Variants in GRID2 observed in about 807,000 individuals in gnomAD.
GRID2 encodes glutamate receptor ionotropic, delta-2.
GRID2 carries 33 observed loss-of-function variants against 114.8 expected under a neutral mutation model. The ratio of observed to expected loss-of-function variants is 0.29; its 90% confidence interval spans 0.22 to 0.38. The LOEUF (loss-of-function observed/expected upper bound fraction) is 0.38. GRID2 is among the 10% of genes least tolerant of loss of function. The probability of loss-of-function intolerance (pLI) is 1.00; values close to 1 mark genes in which losing one functional copy is unlikely to be tolerated. For missense variants in GRID2, 1,184 were observed against 1,257.7 expected (o/e 0.94, Z 0.89); for synonymous variants, 505 against 449.9 (o/e 1.12, Z -1.55).
chr4:92,999,485 T>C (rs1755409037), intron 2 of GRID2, among the ~76,000 whole-genome samples: 2 of 151,740 alleles, frequency 1.3e-5, no homozygotes, highest in Admixed American at 6.6e-5. Context: ...CTATAGACTA[T>C]CAAGGTTAGT....
At chr4:92,984,097 A>G (rs1423342153) in intron 2 of GRID2, among the ~76,000 whole-genome samples, 1 of 152,234 alleles carries the variant, frequency 6.6e-6, no homozygotes, top group Non-Finnish European at 1.5e-5. Flanking sequence ...AAGTACAGCT[A>G]TAAATATTTT....
intron 2 of GRID2, among the ~76,000 whole-genome samples, chr4:92,787,391 A>AATCCCATAACATT (rs1739367805): frequency 6.6e-6 from 1 of 151,888 alleles, no homozygotes; most frequent in Non-Finnish European, 1.5e-5. Context: ...GGAATTTTAA[A>AATCCCATAACATT]TGAGGAGGCT....
At chr4:93,441,466 TATATA>T (rs1226735558) in intron 10 of GRID2, among the ~76,000 whole-genome samples, 6 of 150,218 alleles carry the variant, frequency 4.0e-5, no homozygotes, top group Admixed American at 1.3e-4. Context: ...GTTGATGCAA[TATATA>T]ATATATTTCC....
At chr4:92,422,070 C>A (rs959194927) in intron 1 of GRID2, among the ~76,000 whole-genome samples, 2 of 151,958 alleles carry the variant, frequency 1.3e-5, no homozygotes, top group Non-Finnish European at 2.9e-5. Flanking sequence ...ATGAGGCTTC[C>A]CTTTTTGAGT....
intron 3 of GRID2, among the ~76,000 whole-genome samples, chr4:93,109,948 A>G (rs896667006): frequency 2.0e-5 from 3 of 152,120 alleles, no homozygotes; most frequent in African/African-American, 7.2e-5. Flanking sequence ...TTTAAGTGTG[A>G]CGTGGACACT....
intron 8 of GRID2, among the ~76,000 whole-genome samples, chr4:93,241,517 A>T (rs1747509596): frequency 6.6e-6 from 1 of 152,010 alleles, no homozygotes; most frequent in African/African-American, 2.4e-5. Flanking sequence ...GCTTATACAT[A>T]TGTAAAATTA....
chr4:92,754,553 G>A (rs1257085911), intron 2 of GRID2, among the ~76,000 whole-genome samples: 2 of 152,044 alleles, frequency 1.3e-5, no homozygotes, highest in Admixed American at 1.3e-4. Context: ...ATCTCACCGT[G>A]GTGTTGTGGG....
At chr4:93,608,578 T>C (rs1359289715) in intron 13 of GRID2, among the ~76,000 whole-genome samples, 2 of 144,248 alleles carry the variant, frequency 1.4e-5, no homozygotes, top group African/African-American at 5.2e-5. Flanking sequence ...TTTTTGTTCT[T>C]GCAATAGTTT....
At chr4:92,922,130 G>A (rs1334863831) in intron 2 of GRID2, among the ~76,000 whole-genome samples, 2 of 152,142 alleles carry the variant, frequency 1.3e-5, no homozygotes, top group Non-Finnish European at 2.9e-5. Flanking sequence ...CTCCGTGGGT[G>A]TAGGACCCTC....
At chr4:93,760,989 A>G (rs1733158275) in intron 14 of GRID2, among the ~76,000 whole-genome samples, 1 of 152,146 alleles carries the variant, frequency 6.6e-6, no homozygotes, top group South Asian at 2.1e-4. Context: ...GGCACTTCCA[A>G]TCTCAGAATA....
At chr4:93,560,222 T>TAAAAA (rs70942974) in intron 13 of GRID2, among the ~76,000 whole-genome samples, 1,415 of 42,892 alleles carry the variant, frequency 0.033, 84 homozygotes, top group East Asian at 0.065. Context: ...GAACTTAAAG[T>TAAAAA]AAAAAAAAAA....
chr4:93,469,561 A>C (rs1724609847), intron 11 of GRID2, among the ~76,000 whole-genome samples: 1 of 152,204 alleles, frequency 6.6e-6, no homozygotes, highest in Admixed American at 6.5e-5. Context: ...CAGAAAAAAA[A>C]ATGAATAACC....
At chr4:93,673,895 G>A (rs776388299) in intron 14 of GRID2, among the ~76,000 whole-genome samples, 8 of 152,140 alleles carry the variant, frequency 5.3e-5, no homozygotes, top group Non-Finnish European at 8.8e-5. Flanking sequence ...TCTCTGGGTA[G>A]TATGTTCCTC....
At position 92,415,740 on chromosome 4, in the gene GRID2, G is replaced by GTATATATA. The variant is rs70940888; in HGVS notation, c.88+111030_88+111037dup. Among the ~76,000 whole-genome samples the GTATATATA allele has an allele frequency of 7.3e-3, 596 of 82,000 alleles. 10 individuals carry two copies. The highest frequency in any genetic ancestry group is 9.7e-3 in the Non-Finnish European group (404 of 41,498). The allele number at this position is 82,000 out of a possible 152,430, so 53.8% of individuals were successfully genotyped here. On this transcript the variant is annotated intron_variant, in intron 1 of 15. Transcript: ENST00000282020. ...TGTGTGTGTGTGTGTGTGTATGTGT[G>GTATATATA]TATATATATATATATATATATATAT...
chr4:92,654,507 A>C (rs1311205776), intron 2 of GRID2, among the ~76,000 whole-genome samples: 1 of 152,066 alleles, frequency 6.6e-6, no homozygotes, highest in Non-Finnish European at 1.5e-5. Flanking sequence ...AGTTATGTAG[A>C]GGAGCAGTTT....
At chr4:92,697,172 G>C (rs557010368) in intron 2 of GRID2, among the ~76,000 whole-genome samples, 21 of 152,202 alleles carry the variant, frequency 1.4e-4, no homozygotes, top group African/African-American at 5.1e-4. Flanking sequence ...TACTTTTCCT[G>C]TTTCTGATCC....
At chr4:93,090,096 C>T (rs1020750638) in intron 3 of GRID2, among the ~76,000 whole-genome samples, 3 of 152,102 alleles carry the variant, frequency 2.0e-5, no homozygotes, top group Non-Finnish European at 4.4e-5. Flanking sequence ...ACGTTGTTGG[C>T]TAATAGTAAA....
chr4:93,056,746 C>T (rs112497156), intron 2 of GRID2, among the ~76,000 whole-genome samples: 3 of 151,876 alleles, frequency 2.0e-5, no homozygotes, highest in African/African-American at 7.2e-5. Context: ...TTTCTAAGGC[C>T]AAATACAGTG....
At chr4:93,090,881 C>A (rs1404406866) in intron 3 of GRID2, among the ~76,000 whole-genome samples, 13 of 152,218 alleles carry the variant, frequency 8.5e-5, no homozygotes, top group Admixed American at 2.6e-4. Flanking sequence ...ACCTCCTCGC[C>A]CTCTGGTAAC....
Sources: gnomAD v4.1 joint callset for allele counts (sites outside exome capture counted in the v4.1 genomes callset) on GRCh38, gnomAD v4.1.1 for gene constraint, MANE v1.5 for transcripts, NCBI Gene and HGNC (gene_info 2026-07-23, HGNC 2026-07-21) for gene names.